GRB10: variants seen among roughly 807,000 people sequenced by gnomAD.
The protein encoded by GRB10 is growth factor receptor-bound protein 10.
In GRB10, 20 loss-of-function variants were observed where a neutral mutation model predicts 80.9. The observed-to-expected ratio is 0.25, with a 90% CI of 0.17 to 0.36. The LOEUF (loss-of-function observed/expected upper bound fraction) is 0.36. GRB10 is among the 10% of genes least tolerant of loss of function. The probability of loss-of-function intolerance (pLI) is 1.00; values close to 1 mark genes in which losing one functional copy is unlikely to be tolerated. For missense variants in GRB10, 548 were observed against 747.7 expected (o/e 0.73, Z 3.12); for synonymous variants, 291 against 291.5 (o/e 1.00, Z 0.02).
intron 7 of GRB10, among the ~76,000 whole-genome samples, chr7:50,636,786 G>T (rs1351047161): frequency 1.3e-5 from 2 of 152,140 alleles, no homozygotes; most frequent in African/African-American, 4.8e-5. Flanking sequence ...ACTGAATAGG[G>T]AAGAGTTGAA....
chr7:50,655,409 T>C (rs73114873), intron 7 of GRB10, among the ~76,000 whole-genome samples: 13,292 of 152,252 alleles, frequency 0.087, 890 homozygotes, highest in Non-Finnish European at 0.11. Flanking sequence ...TATTGGAGAA[T>C]GGTATCTAGA....
At chr7:50,650,776 G>T (rs2057913389) in intron 7 of GRB10, among the ~76,000 whole-genome samples, 1 of 152,082 alleles carries the variant, frequency 6.6e-6, no homozygotes, top group Non-Finnish European at 1.5e-5. Context: ...AGTTAGAAGG[G>T]GGAAGAAAAG....
chr7:50,638,358 T>C (rs774687046), intron 7 of GRB10, among the ~76,000 whole-genome samples: 2 of 152,060 alleles, frequency 1.3e-5, no homozygotes, highest in African/African-American at 2.4e-5. Flanking sequence ...AAAGGACTAA[T>C]ACCCAGAATC....
intron 12 of GRB10, among the ~76,000 whole-genome samples, chr7:50,613,384 C>A (rs756286606): frequency 1.4e-4 from 22 of 152,040 alleles, no homozygotes; most frequent in Non-Finnish European, 2.8e-4. Flanking sequence ...GAGAGGGAGA[C>A]TGATGTTGGC....
At chr7:50,768,879 T>C (rs776525252) in intron 2 of GRB10, among the ~76,000 whole-genome samples, 17 of 152,178 alleles carry the variant, frequency 1.1e-4, no homozygotes, top group Non-Finnish European at 2.2e-4. Context: ...TCTCAAATCA[T>C]TGGCCAAAGA....
intron 5 of GRB10, among the ~76,000 whole-genome samples, chr7:50,685,488 G>C (rs2062011097): frequency 6.6e-6 from 1 of 152,190 alleles, no homozygotes. Context: ...GAGCCCGAAG[G>C]AGGGATCCCA....
chr7:50,651,511 C>T (rs771968059), intron 7 of GRB10, among the ~76,000 whole-genome samples: 9 of 152,332 alleles, frequency 5.9e-5, no homozygotes, highest in East Asian at 1.9e-4. Flanking sequence ...TACTCCAGTA[C>T]GACCTCATCT....
chr7:50,632,777 G>A (rs561039165), intron 7 of GRB10, among the ~76,000 whole-genome samples: 5 of 152,266 alleles, frequency 3.3e-5, no homozygotes, highest in African/African-American at 1.2e-4. Flanking sequence ...CATCCCAGTT[G>A]CTCCTCCTAC....
At chr7:50,607,769 G>A (rs1266414808) in intron 13 of GRB10, among the ~76,000 whole-genome samples, 4 of 152,134 alleles carry the variant, frequency 2.6e-5, no homozygotes. Context: ...TCAGTAGTCT[G>A]CACTTTCTGA....
At chr7:50,653,940 C>T (rs968459091) in intron 7 of GRB10, among the ~76,000 whole-genome samples, 1 of 152,220 alleles carries the variant, frequency 6.6e-6, no homozygotes, top group Admixed American at 6.5e-5. Context: ...GAAGTGTAAC[C>T]ATGCGGCTGT....
chr7:50,603,738 C>A (rs1436913382), intron 17 of GRB10, among the ~76,000 whole-genome samples: 1 of 152,154 alleles, frequency 6.6e-6, no homozygotes. Flanking sequence ...TTGTGTTGTC[C>A]ATCTCTTCAG....
intron 7 of GRB10, among the ~76,000 whole-genome samples, chr7:50,669,016 A>T (rs999273657): frequency 6.6e-6 from 1 of 152,240 alleles, no homozygotes; most frequent in Non-Finnish European, 1.5e-5. Context: ...CAAAGTCAGG[A>T]CTACAAGACA....
chr7:50,685,054 GT>G (rs2061961489), intron 5 of GRB10, among the ~76,000 whole-genome samples: 1 of 152,138 alleles, frequency 6.6e-6, no homozygotes, highest in Non-Finnish European at 1.5e-5. Flanking sequence ...TTTTTTAAAG[GT>G]AAATTAGACA....
chr7:50,782,093 G>A lies in GRB10; in HGVS notation c.-327+331C>T, dbSNP rs2078344160. On this transcript the variant is annotated intron_variant, in intron 1 of 18. Coordinates refer to ENST00000401949, the MANE Select transcript of GRB10 (RefSeq NM_001350814.2). This position sits in a 1 kb window ranked among gnomAD's most constrained non-coding sequence, Gnocchi z 6.6. ...CCGCTGCCCACCACCTGGCGAGGAA[G>A]GAGCGGGCGAGGTTCGCTCGAATCG... Among the ~76,000 whole-genome samples the A allele has an allele frequency of 6.6e-6, 1 of 152,224 alleles. No individual in the cohort carries two copies. Among genetic ancestry groups the A allele is most frequent in the Non-Finnish European group, 1.5e-5 (1 of 68,036 alleles).
intron 8 of GRB10, among the ~76,000 whole-genome samples, chr7:50,622,484 C>T (rs1000256506): frequency 1.3e-5 from 2 of 152,200 alleles, no homozygotes; most frequent in South Asian, 4.1e-4. Context: ...TGTTGCTCTT[C>T]CTGTTTCAAC....
At position 50,641,233 on chromosome 7, in the gene GRB10, T is replaced by C. The variant is rs944352077; in HGVS notation, c.505-14255A>G. On this transcript the variant is annotated intron_variant, in intron 7 of 18. Transcript: ENST00000401949. ...TGAATGAACCCTAGGAAAGAGTTGC[T>C]TGCATCACTTCTACTATGCTTGAAT... Among the ~76,000 whole-genome samples, 3 of 151,154 alleles carry C rather than the reference T, an allele frequency of 2.0e-5. No homozygotes were observed. In the South Asian group the frequency reaches 6.2e-4, roughly 31 times the overall value.
rs551989761 is a variant in GRB10 at position 50,713,187 on chromosome 7, A to G, written c.52-9279T>C. 8.1e-4 allele frequency among the ~76,000 whole-genome samples: 124 copies of G among 152,182 alleles called. 1 individual carries two copies. The highest frequency in any genetic ancestry group is 2.8e-3 in the African/African-American group (118 of 41,522). ...TGAGTATAACCTCCAAGGACTATTG[A>G]AGATTTAGTGTGATCACACATGGAA... is the stretch of plus-strand genomic sequence containing the variant. On this transcript the variant is annotated intron_variant, in intron 4 of 18. Transcript: ENST00000401949.
At chr7:50,716,626 GAT>G (rs1310291694) in intron 4 of GRB10, among the ~76,000 whole-genome samples, 4 of 152,286 alleles carry the variant, frequency 2.6e-5, no homozygotes, top group Non-Finnish European at 4.4e-5. Flanking sequence ...AGAAGTGGAA[GAT>G]ATAAAATGAC....
intron 2 of GRB10, among the ~76,000 whole-genome samples, chr7:50,756,611 TGATTC>T (rs768270805): frequency 2.6e-5 from 4 of 152,172 alleles, no homozygotes; most frequent in Non-Finnish European, 4.4e-5. Context: ...CTCTGATCTT[TGATTC>T]ATCACTCAAG....
Sources: allele counts gnomAD v4.1 joint callset (sites outside exome capture counted in the v4.1 genomes callset), GRCh38; gene constraint gnomAD v4.1.1; non-coding constraint Gnocchi (gnomAD v3.1); transcripts MANE v1.5; gene names NCBI Gene and HGNC (gene_info 2026-07-23, HGNC 2026-07-21).